Variants in LYPD6B observed in about 807,000 individuals in gnomAD.
LYPD6B encodes the protein LY6/PLAUR domain containing 6B, also known as ly6/PLAUR domain-containing protein 6B.
LYPD6B carries 17 observed loss-of-function variants against 22.8 expected under a neutral mutation model. The ratio of observed to expected loss-of-function variants is 0.75; its 90% CI spans 0.51 to 1.12. The LOEUF is 1.12. LYPD6B is among the 50% of genes most tolerant of loss of function. The probability of loss-of-function intolerance (pLI) is 0.00; values close to 1 mark genes in which losing one functional copy is unlikely to be tolerated. For synonymous variants in LYPD6B, 106 were observed against 91.6 expected (o/e 1.16, Z -0.90); for missense variants, 221 against 258.3 (o/e 0.86, Z 0.99).
At chr2:149,162,542 T>C (rs959296758) in intron 3 of LYPD6B, among the ~76,000 whole-genome samples, 1 of 152,158 alleles carries the variant, frequency 6.6e-6, no homozygotes, top group African/African-American at 2.4e-5. Flanking sequence ...GACCACCACC[T>C]ACTGTTGACA....
At chr2:149,102,914 G>A (rs1686281506) in intron 1 of LYPD6B, among the ~76,000 whole-genome samples, 1 of 152,154 alleles carries the variant, frequency 6.6e-6, no homozygotes, top group Admixed American at 6.6e-5. Context: ...CCCAGCCAAG[G>A]AAGAAATTTC....
At chr2:149,087,020 A>ATTT (rs1558989854) in intron 1 of LYPD6B, among the ~76,000 whole-genome samples, 5 of 150,124 alleles carry the variant, frequency 3.3e-5, no homozygotes, top group African/African-American at 1.3e-4. Flanking sequence ...TTTTTTTTTA[A>ATTT]AAAAACCCTA....
chr2:149,096,873 G>A (rs1685926232), intron 1 of LYPD6B, among the ~76,000 whole-genome samples: 1 of 152,076 alleles, frequency 6.6e-6, no homozygotes, highest in African/African-American at 2.4e-5. Context: ...GCTTTTTCCT[G>A]GCCCAACGGA....
At chr2:149,160,547 C>T (rs1007019864) in intron 2 of LYPD6B, 1 of 651,620 alleles carries the variant, frequency 1.5e-6, no homozygotes, top group Non-Finnish European at 2.8e-6. Flanking sequence ...TAATAAAACG[C>T]TAGCTCACAC....
At chr2:149,121,348 C>T (rs1687344125) in intron 1 of LYPD6B, among the ~76,000 whole-genome samples, 1 of 152,180 alleles carries the variant, frequency 6.6e-6, no homozygotes, top group South Asian at 2.1e-4. Flanking sequence ...AATGGGTTTG[C>T]TTCCCTGAGG....
chr2:149,153,291 C>T (rs147420254), intron 2 of LYPD6B, among the ~76,000 whole-genome samples: 22 of 152,114 alleles, frequency 1.4e-4, no homozygotes, highest in Non-Finnish European at 2.5e-4. Context: ...AAATGGAGGA[C>T]GGCAGTGGAA....
At chr2:149,186,592 A>T (rs1418807613) in intron 3 of LYPD6B, among the ~76,000 whole-genome samples, 1 of 152,180 alleles carries the variant, frequency 6.6e-6, no homozygotes, top group African/African-American at 2.4e-5. Context: ...TACACTAAAC[A>T]ACAGTTTTTT....
rs1339332158 is a variant in LYPD6B, at chr2:149,181,512, G to A, written c.77+20677G>A. 2.6e-5 allele frequency among the ~76,000 whole-genome samples: 4 copies of A among 152,234 alleles called. No individual in the cohort carries two copies. The East Asian group carries it at 5.8e-4, about 22-fold the overall frequency. Reference sequence around the variant, plus strand: ...CTCTCTGCTGGATTCCAGAAACCCAGACTCTTTGCCTCCCACCTTCCATCC... The same window carrying A: ...CTCTCTGCTGGATTCCAGAAACCCAAACTCTTTGCCTCCCACCTTCCATCC... On this transcript the variant is annotated intron_variant, in intron 3 of 6. Transcript: ENST00000409642.
intron 2 of LYPD6B, among the ~76,000 whole-genome samples, chr2:149,151,910 G>A (rs1465798521): frequency 1.3e-5 from 2 of 152,114 alleles, no homozygotes; most frequent in African/African-American, 4.8e-5. Context: ...TATTCCAGAT[G>A]CTGGCCTCAC....
chr2:149,134,134 A>G (rs546727579), intron 2 of LYPD6B, among the ~76,000 whole-genome samples: 255 of 152,132 alleles, frequency 1.7e-3, no homozygotes, highest in Non-Finnish European at 3.0e-3. Flanking sequence ...AGACCTGAAG[A>G]AAGGAGAGAG....
At chr2:149,151,203 G>A (rs1226324463) in intron 2 of LYPD6B, among the ~76,000 whole-genome samples, 1 of 152,106 alleles carries the variant, frequency 6.6e-6, no homozygotes, top group African/African-American at 2.4e-5. Context: ...GCGCTGGGTG[G>A]TGGGTATATA....
At chr2:149,087,952 G>C (rs537683234) in intron 1 of LYPD6B, among the ~76,000 whole-genome samples, 3 of 152,114 alleles carry the variant, frequency 2.0e-5, no homozygotes, top group Non-Finnish European at 2.9e-5. Context: ...AGGGGGTAAC[G>C]CTCATCTCAC....
chr2:149,163,406 CACAAAATAGAT>C (rs1690210658), intron 3 of LYPD6B, among the ~76,000 whole-genome samples: 1 of 152,124 alleles, frequency 6.6e-6, no homozygotes, highest in Non-Finnish European at 1.5e-5. Flanking sequence ...CTGACATACC[CACAAAATAGAT>C]AGTACAAGGT....
chr2:149,130,183 G>C (rs574567636), intron 1 of LYPD6B, among the ~76,000 whole-genome samples: 1 of 152,342 alleles, frequency 6.6e-6, no homozygotes, highest in East Asian at 1.9e-4. Flanking sequence ...CCATGAGGCT[G>C]TTGCTGAGGA....
chr2:149,054,341 T>C (rs1424569568), intron 1 of LYPD6B, among the ~76,000 whole-genome samples: 2 of 152,254 alleles, frequency 1.3e-5, no homozygotes, highest in Non-Finnish European at 2.9e-5. Flanking sequence ...ATTTTCCTAA[T>C]AACTAATGTT....
chr2:149,095,884 T>A (rs1410914185), intron 1 of LYPD6B, among the ~76,000 whole-genome samples: 1 of 148,330 alleles, frequency 6.7e-6, no homozygotes, highest in Admixed American at 6.7e-5. Context: ...GACAGAGAGA[T>A]GGGAGACAGA....
intron 1 of LYPD6B, among the ~76,000 whole-genome samples, chr2:149,102,617 AGTTT>A (rs796242625): frequency 1.6e-4 from 25 of 151,982 alleles, no homozygotes; most frequent in African/African-American, 6.0e-4. Context: ...TGCAAGGAAG[AGTTT>A]GTTTTTTTGT....
intron 3 of LYPD6B, among the ~76,000 whole-genome samples, chr2:149,172,102 A>C (rs1159432791): frequency 6.6e-6 from 1 of 152,208 alleles, no homozygotes; most frequent in African/African-American, 2.4e-5. Flanking sequence ...AGGCCTCAGG[A>C]AACTTACAAT....
intron 1 of LYPD6B, among the ~76,000 whole-genome samples, chr2:149,115,525 C>T (rs145535116): frequency 1.3e-5 from 2 of 152,080 alleles, no homozygotes; most frequent in African/African-American, 2.4e-5. Flanking sequence ...TGCTGGCCAT[C>T]GAGTTGTGCT....
Sources: allele counts gnomAD v4.1 joint callset (sites outside exome capture counted in the v4.1 genomes callset), GRCh38; gene constraint gnomAD v4.1.1; transcripts MANE v1.5; gene names NCBI Gene and HGNC (gene_info 2026-07-23, HGNC 2026-07-21).